CTNNB1: variants seen among roughly 807,000 people sequenced by gnomAD.
CTNNB1 encodes the protein catenin beta 1, also known as catenin beta-1.
Under a neutral mutation model 82.5 loss-of-function variants are expected in CTNNB1, and 6 were observed. The ratio of observed to expected loss-of-function variants is 0.07; its 90% CI spans 0.04 to 0.14. CTNNB1 has a LOEUF of 0.14. CTNNB1 is among the 10% of genes least tolerant of loss of function. The pLI is 1.00. For synonymous variants in CTNNB1, 312 were observed against 329.7 expected (o/e 0.95, Z 0.58); for missense variants, 529 against 980.4 (o/e 0.54, Z 6.15).
chr3:41,236,043 G>T, intron 11 of CTNNB1, 200 bp downstream of exon 11: 1 of 738,422 alleles, frequency 1.4e-6, no homozygotes, highest in African/African-American at 1.8e-5. Flanking sequence ...ACTTTTATGG[G>T]TGCCTAGAGG....
chr3:41,231,258 C>T (rs1416196979), intron 7 of CTNNB1, among the ~76,000 whole-genome samples: 3 of 150,412 alleles, frequency 2.0e-5, no homozygotes, highest in South Asian at 2.1e-4. Flanking sequence ...ACCCGGGAGG[C>T]GGAGCTTGCA....
At chr3:41,228,995 CTTGT>C (rs1438893321) in intron 7 of CTNNB1, among the ~76,000 whole-genome samples, 1 of 151,932 alleles carries the variant, frequency 6.6e-6, no homozygotes, top group East Asian at 1.9e-4. Flanking sequence ...TTCCCCATTG[CTTGT>C]TTTTGTTTAC....
At chr3:41,202,433 T>G (rs1046231371) in intron 1 of CTNNB1, among the ~76,000 whole-genome samples, 3 of 152,248 alleles carry the variant, frequency 2.0e-5, no homozygotes, top group African/African-American at 4.8e-5. Flanking sequence ...TTTGTGACAT[T>G]GTTTTTGAAA....
intron 1 of CTNNB1, among the ~76,000 whole-genome samples, chr3:41,200,852 T>C (rs1250557408): frequency 6.6e-6 from 1 of 152,216 alleles, no homozygotes; most frequent in Non-Finnish European, 1.5e-5. Flanking sequence ...GTCTCCTACT[T>C]TGTATCTTCC....
chr3:41,213,605 G>GT (rs2077846542), intron 1 of CTNNB1, among the ~76,000 whole-genome samples: 2 of 152,120 alleles, frequency 1.3e-5, no homozygotes, highest in South Asian at 4.1e-4. Context: ...TATGCTATTG[G>GT]TATTGCTATG....
chr3:41,214,394 T>TG (rs1553628189), intron 1 of CTNNB1, among the ~76,000 whole-genome samples: 7 of 147,036 alleles, frequency 4.8e-5, no homozygotes, highest in Admixed American at 1.4e-4. Context: ...TCTTTATAGT[T>TG]AAAAAAAAAA....
intron 1 of CTNNB1, among the ~76,000 whole-genome samples, chr3:41,212,419 T>G (rs545985103): frequency 1.2e-3 from 186 of 152,322 alleles, no homozygotes; most frequent in Admixed American, 2.2e-3. Flanking sequence ...CATCCCAGTT[T>G]GTGATATACT....
intron 1 of CTNNB1, among the ~76,000 whole-genome samples, chr3:41,208,800 A>G (rs1490830460): frequency 3.9e-5 from 6 of 152,286 alleles, no homozygotes; most frequent in Non-Finnish European, 8.8e-5. Flanking sequence ...GCTCTCAAGA[A>G]TATTACTGTG....
In CTNNB1 at chr3:41,233,351, A is replaced by T; in HGVS notation, c.1092A>T (p.Gln364His). The change falls in exon 8 of 15, where the codon CAA becomes CAT. Residue 364 changes from glutamine to histidine, a missense_variant. Coordinates refer to ENST00000349496, the MANE Select transcript of CTNNB1 (RefSeq NM_001904.4). The part of the protein sequence containing the change: ...KPAIVEAGGM[Q>H]ALGLHLTDPS... The stretch of plus-strand genomic sequence containing the variant: ...TTTTTAATTTTCTAGGTGGAATGCA[A>T]GCTTTAGGACTTCACCTGACAGATC... The T allele has an allele frequency of 1.2e-6, 2 of 1,614,206 alleles. No individual in the cohort carries two copies. The highest frequency in any genetic ancestry group is 1.7e-6 in the Non-Finnish European group (2 of 1,180,036).
rs1006247530 is a variant in CTNNB1, at chr3:41,223,914, G to GT, written c.-48-99dup. The GT allele has an allele frequency of 2.1e-4, 171 of 806,934 alleles. 1 individual carries two copies. Among genetic ancestry groups the GT allele is most frequent in the Middle Eastern group, 3.5e-4 (1 of 2,884 alleles). 50.0% of individuals were successfully genotyped at this position (806,934 alleles called of 1,614,324 possible). ...ACTAACCTGGTAAAAGAGGATATGG[G>GT]TTTTTTTTGTGGGTGTAATAGTGAC... On this transcript the variant is annotated intron_variant, in intron 1 of 14. Transcript: ENST00000349496.
At chr3:41,210,228 C>T (rs1308433644) in intron 1 of CTNNB1, among the ~76,000 whole-genome samples, 10 of 152,046 alleles carry the variant, frequency 6.6e-5, no homozygotes, top group South Asian at 2.1e-4. Context: ...CTGAGGCAGG[C>T]GGATCACGAG....
chr3:41,218,878 C>T (rs13076290), intron 1 of CTNNB1, among the ~76,000 whole-genome samples: 54,974 of 152,120 alleles, frequency 0.36, 10,988 homozygotes, highest in Non-Finnish European at 0.45. Context: ...ATATTTAATA[C>T]TTTTTTCCAT....
chr3:41,206,534 T>A (rs568863369), intron 1 of CTNNB1, among the ~76,000 whole-genome samples: 1 of 152,304 alleles, frequency 6.6e-6, no homozygotes, highest in South Asian at 2.1e-4. Context: ...GTGGTGATAG[T>A]AGTTTGCTAC....
At chr3:41,206,218 G>C (rs148256078) in intron 1 of CTNNB1, among the ~76,000 whole-genome samples, 89 of 152,126 alleles carry the variant, frequency 5.9e-4, no homozygotes, top group Non-Finnish European at 9.4e-4. Flanking sequence ...TAAAACTTGG[G>C]GGGTATTTTT....
Position 41,233,681 on chromosome 3 carries a change from T to C in CTNNB1, c.1338T>C (p.Ala446=). 6.2e-7 allele frequency: 1 copy of C among 1,614,028 alleles called. No homozygotes were observed. Among genetic ancestry groups the C allele is most frequent in the Admixed American group, 1.7e-5 (1 of 60,016 alleles). Residue 446 remains alanine, a synonymous_variant, in exon 9 of 15, where the codon GCT becomes GCC. Transcript: ENST00000349496. The part of the protein sequence containing the change: ...MMVCQVGGIE[A]LVRTVLRAGD... The stretch of plus-strand genomic sequence containing the variant: ...TCTGCCAAGTGGGTGGTATAGAGGC[T>C]CTTGTGCGTACTGTCCTTCGGGCTG...
At chr3:41,209,235 C>T (rs1428756875) in intron 1 of CTNNB1, among the ~76,000 whole-genome samples, 1 of 152,106 alleles carries the variant, frequency 6.6e-6, no homozygotes, top group African/African-American at 2.4e-5. Context: ...CATATTTACT[C>T]CAGTATCATA....
intron 6 of CTNNB1, among the ~76,000 whole-genome samples, chr3:41,226,192 C>T (rs745971957): frequency 6.6e-6 from 1 of 152,212 alleles, no homozygotes. Context: ...TGCCACTTAC[C>T]TCCTGCTGTG....
intron 13 of CTNNB1, chr3:41,237,446 C>CA (rs3038134): frequency 0.04 from 2,638 of 65,162 alleles, 85 homozygotes; most frequent in Non-Finnish European, 0.047. Context: ...GACTCCAACA[C>CA]AAAAAAAAAA....
At chr3:41,202,048 C>T (rs552589762) in intron 1 of CTNNB1, among the ~76,000 whole-genome samples, 61 of 151,982 alleles carry the variant, frequency 4.0e-4, no homozygotes, top group Non-Finnish European at 7.5e-4. Flanking sequence ...GAGGCGCATG[C>T]TAAGTATTGT....
Sources: gnomAD v4.1 joint callset for allele counts (sites outside exome capture counted in the v4.1 genomes callset) on GRCh38, gnomAD v4.1.1 for gene constraint, MANE v1.5 for transcripts, NCBI Gene and HGNC (gene_info 2026-07-23, HGNC 2026-07-21) for gene names.